Variants in ATOSA observed in about 807,000 individuals in gnomAD.
ATOSA encodes the protein atos homolog protein A.
the ATOSA span, chr15:52,651,817 C>T: frequency 3.8e-5 from 57 of 1,514,228 alleles, no homozygotes; most frequent in South Asian, 2.5e-4. Flanking sequence ...TAAACAGCTA[C>T]AGAAAATTGG....
the ATOSA span, among the ~76,000 whole-genome samples, chr15:52,671,130 G>A: frequency 2.6e-4 from 40 of 152,202 alleles, no homozygotes; most frequent in East Asian, 1.5e-3. Flanking sequence ...TTTGTTAGAC[G>A]TATATAAACT....
the ATOSA span, among the ~76,000 whole-genome samples, chr15:52,607,684 G>A: frequency 3.9e-5 from 6 of 152,058 alleles, no homozygotes; most frequent in African/African-American, 1.5e-4. Flanking sequence ...AAGTAACTGA[G>A]GTTTGCCATT....
chr15:52,610,061 T>C, the ATOSA span: 2 of 1,614,020 alleles, frequency 1.2e-6, no homozygotes, highest in Non-Finnish European at 1.7e-6. Flanking sequence ...CTTGGGCCAC[T>C]TTTTGCATGT....
the ATOSA span, among the ~76,000 whole-genome samples, chr15:52,607,113 T>C: frequency 1.3e-5 from 2 of 152,188 alleles, no homozygotes; most frequent in African/African-American, 4.8e-5. Context: ...TCATGAGTCT[T>C]GTAAAATTGA....
the ATOSA span, among the ~76,000 whole-genome samples, chr15:52,664,101 ACT>A: frequency 6.6e-6 from 1 of 152,210 alleles, no homozygotes; most frequent in Non-Finnish European, 1.5e-5. Context: ...CCAGAGTTTA[ACT>A]TCACAGAAGG....
the ATOSA span, chr15:52,657,203 T>C: frequency 1.3e-5 from 2 of 152,114 alleles, no homozygotes; most frequent in African/African-American, 4.8e-5. Flanking sequence ...CTATCACTGA[T>C]ACATGTCATT....
At chr15:52,664,902 C>A in the ATOSA span, among the ~76,000 whole-genome samples, 3 of 151,430 alleles carry the variant, frequency 2.0e-5, no homozygotes, top group Non-Finnish European at 4.4e-5. Flanking sequence ...CATGCCACTG[C>A]ACTCCAGCTT....
chr15:52,630,746 A>G, the ATOSA span, among the ~76,000 whole-genome samples: 1 of 152,208 alleles, frequency 6.6e-6, no homozygotes, highest in Non-Finnish European at 1.5e-5. Flanking sequence ...TCAAAGAAGC[A>G]CTGTCTATAA....
the ATOSA span, among the ~76,000 whole-genome samples, chr15:52,616,904 C>T: frequency 6.6e-6 from 1 of 152,146 alleles, no homozygotes; most frequent in Non-Finnish European, 1.5e-5. Context: ...CCTCATAAAC[C>T]TACTGAGACA....
chr15:52,613,654 T>C, the ATOSA span: 3 of 1,610,490 alleles, frequency 1.9e-6, no homozygotes, highest in Non-Finnish European at 2.5e-6. Flanking sequence ...ATACAAAGCA[T>C]TCAACACAAG....
the ATOSA span, among the ~76,000 whole-genome samples, chr15:52,689,843 A>G: frequency 6.6e-6 from 1 of 152,242 alleles, no homozygotes; most frequent in African/African-American, 2.4e-5. Flanking sequence ...GAGCAGACAC[A>G]GAAGCCTCCC....
chr15:52,635,579 C>A, the ATOSA span, among the ~76,000 whole-genome samples: 1 of 152,088 alleles, frequency 6.6e-6, no homozygotes. Context: ...GCCTGCAGTC[C>A]CAGCTACTTG....
chr15:52,630,203 A>C, the ATOSA span, among the ~76,000 whole-genome samples: 1 of 152,288 alleles, frequency 6.6e-6, no homozygotes, highest in East Asian at 1.9e-4. Context: ...AAATTTCTAA[A>C]AACTAATGTT....
At chr15:52,685,899 G>T in the ATOSA span, among the ~76,000 whole-genome samples, 1 of 152,024 alleles carries the variant, frequency 6.6e-6, no homozygotes, top group Non-Finnish European at 1.5e-5. Context: ...TAACTTATTT[G>T]CCAGGGTAGG....
At chr15:52,664,943 T>C in the ATOSA span, among the ~76,000 whole-genome samples, 1 of 91,640 alleles carries the variant, frequency 1.1e-5, no homozygotes, top group Non-Finnish European at 3.2e-5. Context: ...TCTCTGGGTG[T>C]TGGGGGTGGG....
chr15:52,594,168 T>C, the ATOSA span, among the ~76,000 whole-genome samples: 1 of 152,252 alleles, frequency 6.6e-6, no homozygotes, highest in Non-Finnish European at 1.5e-5. Flanking sequence ...ACAGGTTATA[T>C]ATGGAAGTTC....
At chr15:52,692,780 C>T in the ATOSA span, among the ~76,000 whole-genome samples, 2 of 151,890 alleles carry the variant, frequency 1.3e-5, no homozygotes, top group Non-Finnish European at 2.9e-5. Flanking sequence ...CTGTCTCTGC[C>T]TCCTGAGTAG....
chr15:52,664,019 C>A, the ATOSA span, among the ~76,000 whole-genome samples: 1 of 152,188 alleles, frequency 6.6e-6, no homozygotes. Context: ...CCATCCAGAG[C>A]AGGCATAAGT....
the ATOSA span, among the ~76,000 whole-genome samples, chr15:52,615,065 C>T: frequency 6.6e-5 from 10 of 152,082 alleles, no homozygotes; most frequent in Non-Finnish European, 1.3e-4. Context: ...GCACTAATTC[C>T]GTGACATGAA....
Sources: gnomAD v4.1 joint callset for allele counts (sites outside exome capture counted in the v4.1 genomes callset) on GRCh38, gnomAD v4.1.1 for gene constraint, MANE v1.5 for transcripts, NCBI Gene and HGNC (gene_info 2026-07-23, HGNC 2026-07-21) for gene names.